Variants in DNMT3B observed in about 807,000 individuals in gnomAD.
DNMT3B encodes the protein DNA methyltransferase 3 beta.
In DNMT3B, 37 loss-of-function variants were observed where a neutral mutation model predicts 120.2. The observed-to-expected ratio is 0.31, with a 90% confidence interval of 0.24 to 0.40. DNMT3B has a LOEUF of 0.40. DNMT3B is among the 10% of genes least tolerant of loss of function. The pLI, the probability that DNMT3B is intolerant of heterozygous loss-of-function variation, is 1.00. For synonymous variants in DNMT3B, 412 were observed against 442.8 expected, an observed-to-expected ratio of 0.93 and a Z score of 0.87; for missense variants, 878 against 1,137.3, an observed-to-expected ratio of 0.77 and a Z score of 3.28.
chr20:32,800,494 A>G (rs1235576661), intron 17 of DNMT3B, among the ~76,000 whole-genome samples, 196 bp downstream of exon 17: 1 of 152,026 alleles, frequency 6.6e-6, no homozygotes, highest in East Asian at 1.9e-4. Flanking sequence ...TTTTCTGGAG[A>G]CAGTCTCCCT....
Position 32,805,271 on chromosome 20 carries a change from C to T in DNMT3B, c.2232-67C>T, listed in dbSNP as rs146698778. On this transcript the variant is annotated intron_variant, in intron 20 of 22. Coordinates refer to ENST00000328111, the MANE Select transcript of DNMT3B (RefSeq NM_006892.4). ...CATCTCTGCAACATAGACCCTCACT[C>T]CCACCTTGTGCCTAGCAGAGGACCC... 139 of 1,594,292 alleles carry T rather than the reference C, an allele frequency of 8.7e-5. No homozygotes were observed. In the Middle Eastern group the frequency reaches 1.3e-3, roughly 15 times the overall value.
At position 32,807,807 on chromosome 20, in the gene DNMT3B, C is replaced by T; in HGVS notation, c.2466C>T (p.Gly822=). The part of the protein sequence containing the change: ...PVHYTDVSNM[G]RGARQKLLGR... ...ACTACACAGACGTGTCCAACATGGGCCGTGGTGCCCGCCAGAAGCTGCTGG... is the reference window on the plus strand; with the variant it reads ...ACTACACAGACGTGTCCAACATGGGTCGTGGTGCCCGCCAGAAGCTGCTGG... The change falls in exon 23 of 23, where the codon GGC becomes GGT. Residue 822 remains glycine, a synonymous_variant. Coordinates refer to ENST00000328111, the MANE Select transcript of DNMT3B (RefSeq NM_006892.4). 1 of 1,614,178 alleles carries T rather than the reference C, an allele frequency of 6.2e-7. No individual in the cohort carries two copies. Among genetic ancestry groups the T allele is most frequent in the Non-Finnish European group, 8.5e-7 (1 of 1,180,026 alleles).
In DNMT3B at chr20:32,808,998, C is replaced by T. The variant is rs1216226408; in HGVS notation, c.*1095C>T. On this transcript the variant is annotated 3_prime_UTR_variant, in exon 23 of 23. Transcript: ENST00000328111. ...GTGCTCCCTTTGGAGATTTTTTAAT[C>T]CTTTTTTATTCCATAAGAAGTCGTT... The T allele has an allele frequency of 4.6e-6, 1 of 218,226 alleles. No homozygotes were observed. Among genetic ancestry groups the T allele is most frequent in the East Asian group, 6.8e-5 (1 of 14,660 alleles). The allele number at this position is 218,226 out of a possible 1,614,324, so 13.5% of individuals were successfully genotyped here.
chr20:32,776,812 T>G (rs116205501), intron 1 of DNMT3B, among the ~76,000 whole-genome samples: 163 of 152,234 alleles, frequency 1.1e-3, no homozygotes, highest in African/African-American at 3.9e-3. Flanking sequence ...GATTTTGAGC[T>G]GTGGGTTTTG....
chr20:32,792,491 C>G (rs1226612148), intron 8 of DNMT3B, 135 bp from the exon 9 acceptor site: 5 of 1,466,406 alleles, frequency 3.4e-6, no homozygotes, highest in Non-Finnish European at 4.7e-6. Context: ...CATACCACAG[C>G]CCAGGACAGC....
At position 32,793,583 on chromosome 20, in the gene DNMT3B, T is replaced by G; in HGVS notation, c.1114T>G (p.Ser372Ala). The G allele has an allele frequency of 6.2e-7, 1 of 1,614,168 alleles. No homozygotes were observed. The highest frequency in any genetic ancestry group is 8.5e-7 in the Non-Finnish European group (1 of 1,180,010). ...VRRAGSRKLE[S>A]RKYENKTRRR... ...TCGTGCAGGCAGTAGGAAATTAGAA[T>G]CAAGGAAATACGGTATTTCCTTCCT... Residue 372 changes from serine to alanine, a missense_variant, in exon 10 of 23, where the codon TCA (serine) becomes GCA (alanine). Around this residue, in one of 4 missense-constraint regions of DNMT3B, gnomAD observed 207 missense variants for 222.6 expected, o/e 0.93. Coordinates refer to ENST00000328111, the MANE Select transcript of DNMT3B (RefSeq NM_006892.4).
intron 3 of DNMT3B, among the ~76,000 whole-genome samples, chr20:32,782,519 A>G (rs1568833697): frequency 6.6e-6 from 1 of 152,232 alleles, no homozygotes; most frequent in Non-Finnish European, 1.5e-5. Context: ...AATAGAACCT[A>G]CCTTCATAAA....
At chr20:32,792,503 G>A (rs1474738) in intron 8 of DNMT3B, 123 bp from the exon 9 acceptor site, 631,428 of 1,530,692 alleles carry the variant, frequency 0.41, 141,375 homozygotes, top group East Asian at 0.91. Flanking sequence ...CAGGACAGCT[G>A]TCTGGCTATG....
chr20:32,787,719 A>C (rs1979493729), intron 6 of DNMT3B, among the ~76,000 whole-genome samples: 1 of 152,186 alleles, frequency 6.6e-6, no homozygotes, highest in Non-Finnish European at 1.5e-5. Flanking sequence ...TAAGGACTGC[A>C]ACTGCGTACG....
Position 32,809,308 on chromosome 20 carries a change from C to T in DNMT3B, c.*1405C>T, listed in dbSNP as rs547367297. The T allele has an allele frequency of 9.4e-5, 20 of 213,696 alleles. No individual in the cohort carries two copies. The highest frequency in any genetic ancestry group is 1.6e-4 in the Non-Finnish European group (17 of 105,620). 13.2% of individuals were successfully genotyped at this position (213,696 alleles called of 1,614,324 possible). ...TGCTAATTTTTAGGCTGAAAGATGACGGATGCCTAGAGTTTACCTTATGTT... is the reference window on the plus strand; with the variant it reads ...TGCTAATTTTTAGGCTGAAAGATGATGGATGCCTAGAGTTTACCTTATGTT... On this transcript the variant is annotated 3_prime_UTR_variant, in exon 23 of 23. Coordinates refer to ENST00000328111, the MANE Select transcript of DNMT3B (RefSeq NM_006892.4).
At chr20:32,789,071 C>G in intron 7 of DNMT3B, 59 bp downstream of exon 7, 1 of 1,603,774 alleles carries the variant, frequency 6.2e-7, no homozygotes, top group Non-Finnish European at 8.5e-7. Flanking sequence ...GCCTGCCTCC[C>G]TTTGAAGACA....
intron 1 of DNMT3B, among the ~76,000 whole-genome samples, chr20:32,774,929 T>C (rs6058881): frequency 0.022 from 3,329 of 151,420 alleles, 121 homozygotes; most frequent in African/African-American, 0.075. Context: ...ACCATGTTGG[T>C]CAGGCTGGTC....
intron 1 of DNMT3B, among the ~76,000 whole-genome samples, chr20:32,768,999 A>T (rs572308660): frequency 2.4e-4 from 36 of 152,326 alleles, no homozygotes; most frequent in Middle Eastern, 3.4e-3. Flanking sequence ...CAGGATGCTG[A>T]ATTAGGGGAA....
intron 7 of DNMT3B, among the ~76,000 whole-genome samples, chr20:32,790,704 A>T (rs1979876413): frequency 6.6e-6 from 1 of 151,598 alleles, no homozygotes; most frequent in African/African-American, 2.4e-5. Flanking sequence ...TGAGGTCCTC[A>T]CTGTCACCCA....
In DNMT3B at chr20:32,806,070, A is replaced by G. The variant is rs1448384817; in HGVS notation, c.2302-139A>G. 3 of 816,374 alleles carry G rather than the reference A, an allele frequency of 3.7e-6. No homozygotes were observed. The African/African-American group carries it at 5.1e-5, about 14-fold the overall frequency. 50.6% of individuals were successfully genotyped at this position (816,374 alleles called of 1,614,324 possible). ...CTGCCCTCTCCCTTCCATCTTTCCCAGGTACTTTTCTCTCCCAGCCCTGCC... is the reference window on the plus strand; with the variant it reads ...CTGCCCTCTCCCTTCCATCTTTCCCGGGTACTTTTCTCTCCCAGCCCTGCC... On this transcript the variant is annotated intron_variant, in intron 21 of 22. Coordinates refer to ENST00000328111, the MANE Select transcript of DNMT3B (RefSeq NM_006892.4).
At chr20:32,798,198 ATC>A (rs1980873845) in intron 14 of DNMT3B, among the ~76,000 whole-genome samples, 1 of 152,144 alleles carries the variant, frequency 6.6e-6, no homozygotes, top group Non-Finnish European at 1.5e-5. Context: ...TTGGCCTGTA[ATC>A]CAAAGTGTCC....
intron 1 of DNMT3B, among the ~76,000 whole-genome samples, chr20:32,771,446 G>T (rs1261199421): frequency 6.6e-6 from 1 of 152,114 alleles, no homozygotes; most frequent in African/African-American, 2.4e-5. Context: ...TTCGAGACCA[G>T]CCTGGCCAGC....
intron 1 of DNMT3B, among the ~76,000 whole-genome samples, chr20:32,765,171 G>A (rs1205001814): frequency 1.3e-5 from 2 of 152,206 alleles, no homozygotes; most frequent in East Asian, 1.9e-4. Flanking sequence ...TACTAATTGA[G>A]TGGAGTTTTT....
intron 5 of DNMT3B, 75 bp downstream of exon 5, chr20:32,786,702 G>A: frequency 1.2e-6 from 2 of 1,603,622 alleles, no homozygotes; most frequent in Non-Finnish European, 1.7e-6. Flanking sequence ...TGCACTACTG[G>A]TTGTGGCTGG....
Sources: allele counts gnomAD v4.1 joint callset (sites outside exome capture counted in the v4.1 genomes callset), GRCh38; gene constraint gnomAD v4.1.1; regional missense constraint gnomAD v4.1.1; transcripts MANE v1.5; gene names NCBI Gene and HGNC (gene_info 2026-07-23, HGNC 2026-07-21).